Variants in GPC6 observed in about 807,000 individuals in gnomAD.
The protein encoded by GPC6 is glypican 6.
In GPC6, 14 loss-of-function variants were observed where a neutral mutation model predicts 55.2. The ratio of observed to expected loss-of-function variants is 0.25; its 90% CI spans 0.17 to 0.40. The LOEUF is 0.40. GPC6 is among the 10% of genes least tolerant of loss of function. GPC6 has a pLI of 1.00. For synonymous variants in GPC6, 278 were observed against 259.6 expected (o/e 1.07, Z -0.68); for missense variants, 641 against 708.5 (o/e 0.90, Z 1.08).
At chr13:93,967,740 C>T (rs1256670183) in intron 3 of GPC6, among the ~76,000 whole-genome samples, 4 of 152,100 alleles carry the variant, frequency 2.6e-5, no homozygotes, top group Admixed American at 2.0e-4. Flanking sequence ...TCACTTAATG[C>T]ATTAAATTGA....
intron 2 of GPC6, among the ~76,000 whole-genome samples, chr13:93,548,118 C>G (rs1176160023): frequency 6.6e-6 from 1 of 152,132 alleles, no homozygotes; most frequent in East Asian, 1.9e-4. Context: ...ACCAATGGTA[C>G]TATAAAAGAC....
chr13:93,486,822 G>C (rs1879729009), intron 1 of GPC6, among the ~76,000 whole-genome samples: 1 of 152,046 alleles, frequency 6.6e-6, no homozygotes, highest in Admixed American at 6.5e-5. Context: ...GCATGCGCCT[G>C]TAATCCCAGC....
intron 1 of GPC6, among the ~76,000 whole-genome samples, chr13:93,522,458 T>C (rs1052512523): frequency 1.3e-5 from 2 of 152,026 alleles, no homozygotes; most frequent in Admixed American, 6.6e-5. Context: ...ATTAGCTAAA[T>C]AACATCCCTG....
chr13:93,529,510 CTTTTTTTTTT>C (rs1165594323), intron 1 of GPC6, among the ~76,000 whole-genome samples: 1 of 85,196 alleles, frequency 1.2e-5, no homozygotes, highest in African/African-American at 5.0e-5. Context: ...CTCTGAGATT[CTTTTTTTTTT>C]TTTTTTTTTT....
rs1271231752 is a variant in GPC6, at chr13:93,580,586, GT to G, written c.319+35166del. ...TGTGCCACGTGCTATGGATACATCTGTGAAGTAAAACACATAAAAATAGGTG... is the reference window on the plus strand; with the variant it reads ...TGTGCCACGTGCTATGGATACATCTGGAAGTAAAACACATAAAAATAGGTG... On this transcript the variant is annotated intron_variant, in intron 2 of 8. Coordinates refer to ENST00000377047, the MANE Select transcript of GPC6 (RefSeq NM_005708.5). Among the ~76,000 whole-genome samples the G allele has an allele frequency of 3.3e-5, 5 of 152,168 alleles. No homozygotes were observed. In the East Asian group the frequency reaches 9.6e-4, roughly 29 times the overall value.
chr13:94,135,888 G>C (rs79053980), intron 4 of GPC6, among the ~76,000 whole-genome samples: 1 of 152,170 alleles, frequency 6.6e-6, no homozygotes, highest in African/African-American at 2.4e-5. Flanking sequence ...AGAAAGAGTT[G>C]ATTTTTGAGT....
intron 2 of GPC6, among the ~76,000 whole-genome samples, chr13:93,764,248 A>G (rs1594436976): frequency 6.6e-6 from 1 of 151,648 alleles, no homozygotes; most frequent in South Asian, 2.1e-4. Flanking sequence ...AACAAATCAG[A>G]CTCCTCCAAT....
intron 1 of GPC6, among the ~76,000 whole-genome samples, chr13:93,230,317 T>C: frequency 6.6e-6 from 1 of 152,190 alleles, no homozygotes; most frequent in East Asian, 1.9e-4. Context: ...GTTGCCCTTT[T>C]CTATTCTAGG....
chr13:93,297,118 G>C (rs942357868), intron 1 of GPC6, among the ~76,000 whole-genome samples: 33 of 152,118 alleles, frequency 2.2e-4, no homozygotes, highest in African/African-American at 7.7e-4. Context: ...CCTTGTATGT[G>C]CATCCTTATA....
chr13:93,418,799 T>C (rs1876809077), intron 1 of GPC6, among the ~76,000 whole-genome samples: 1 of 151,106 alleles, frequency 6.6e-6, no homozygotes, highest in Non-Finnish European at 1.5e-5. Context: ...CATCACTTTA[T>C]TAATGGCACT....
At chr13:93,550,671 T>G (rs1162361958) in intron 2 of GPC6, among the ~76,000 whole-genome samples, 1 of 152,130 alleles carries the variant, frequency 6.6e-6, no homozygotes, top group African/African-American at 2.4e-5. Flanking sequence ...ACGTAATGAT[T>G]TTTTTAATAT....
intron 3 of GPC6, among the ~76,000 whole-genome samples, chr13:93,875,725 GGCATGGGAGAGATATTCAAGCTA>G (rs1889273140): frequency 6.6e-6 from 1 of 151,998 alleles, no homozygotes; most frequent in African/African-American, 2.4e-5. Context: ...TGATTCATAT[GGCATGGGAGAGATATTCAAGCTA>G]ATCATCTGCC....
intron 4 of GPC6, among the ~76,000 whole-genome samples, chr13:94,054,692 C>T (rs979055216): frequency 1.3e-5 from 2 of 152,124 alleles, no homozygotes; most frequent in African/African-American, 4.8e-5. Flanking sequence ...GTCTAATCCA[C>T]GTGGCTCACA....
chr13:94,386,585 A>C (rs1880422135), intron 7 of GPC6, among the ~76,000 whole-genome samples: 1 of 152,154 alleles, frequency 6.6e-6, no homozygotes, highest in Non-Finnish European at 1.5e-5. Flanking sequence ...GTGAGATTCT[A>C]TCTCTAAAAA....
intron 8 of GPC6, among the ~76,000 whole-genome samples, chr13:94,399,278 T>C (rs1328095363): frequency 1.3e-5 from 2 of 152,180 alleles, no homozygotes; most frequent in African/African-American, 2.4e-5. Context: ...ATCTGAAATA[T>C]TGAGAGAAAT....
At chr13:94,197,855 C>T (rs1405327073) in intron 4 of GPC6, among the ~76,000 whole-genome samples, 1 of 151,592 alleles carries the variant, frequency 6.6e-6, no homozygotes, top group Non-Finnish European at 1.5e-5. Context: ...TACCAAGAAA[C>T]GTAACACTTT....
chr13:93,310,689 T>C (rs1443195055), intron 1 of GPC6, among the ~76,000 whole-genome samples: 2 of 152,186 alleles, frequency 1.3e-5, no homozygotes, highest in Non-Finnish European at 2.9e-5. Flanking sequence ...TATTATACCA[T>C]AAACTTTTTG....
chr13:94,142,771 C>CA (rs1887428047), intron 4 of GPC6, among the ~76,000 whole-genome samples: 1 of 150,672 alleles, frequency 6.6e-6, no homozygotes, highest in East Asian at 1.9e-4. Flanking sequence ...TGTATATTCC[C>CA]AAAAAATGTA....
At chr13:94,098,889 C>T (rs1367323821) in intron 4 of GPC6, among the ~76,000 whole-genome samples, 3 of 152,038 alleles carry the variant, frequency 2.0e-5, no homozygotes, top group African/African-American at 4.8e-5. Context: ...ATTTTTTGCT[C>T]AATATAGTCA....
Sources: gnomAD v4.1 joint callset for allele counts (sites outside exome capture counted in the v4.1 genomes callset) on GRCh38, gnomAD v4.1.1 for gene constraint, MANE v1.5 for transcripts, NCBI Gene and HGNC (gene_info 2026-07-23, HGNC 2026-07-21) for gene names.